Variants in PARL observed in about 807,000 individuals in gnomAD.
The protein encoded by PARL is presenilin-associated rhomboid-like protein, mitochondrial.
Under a neutral mutation model 51.6 loss-of-function variants are expected in PARL, and 44 were observed. That is an observed-to-expected ratio of 0.85 (90% confidence interval 0.67 to 1.10). The LOEUF (loss-of-function observed/expected upper bound fraction) is 1.10, where lower values mean the gene tolerates loss of function less well. Among genes scored for constraint, PARL ranks in the 50% least tolerant of loss-of-function variants. The probability of loss-of-function intolerance (pLI) is 0.00; values close to 1 mark genes in which losing one functional copy is unlikely to be tolerated. For synonymous variants in PARL, 172 were observed against 164.0 expected (o/e 1.05, Z -0.37); for missense variants, 441 against 469.5 (o/e 0.94, Z 0.56).
intron 3 of PARL, among the ~76,000 whole-genome samples, chr3:183,866,049 T>G (rs1732439239): frequency 6.6e-6 from 1 of 152,030 alleles, no homozygotes; most frequent in Non-Finnish European, 1.5e-5. Flanking sequence ...CTGGCTAATT[T>G]TTGTATTTTC....
At chr3:183,865,527 A>G (rs1358933996) in intron 3 of PARL, among the ~76,000 whole-genome samples, 2 of 152,164 alleles carry the variant, frequency 1.3e-5, no homozygotes, top group South Asian at 2.1e-4. Flanking sequence ...CAGTGGCTGC[A>G]TAAGATTCTC....
intron 1 of PARL, among the ~76,000 whole-genome samples, chr3:183,875,705 A>G (rs1472356915): frequency 6.6e-6 from 1 of 152,244 alleles, no homozygotes; most frequent in Non-Finnish European, 1.5e-5. Flanking sequence ...TAGAAACTGC[A>G]GCAACTTATC....
intron 7 of PARL, among the ~76,000 whole-genome samples, chr3:183,835,658 G>A (rs1224269477): frequency 6.6e-6 from 1 of 152,126 alleles, no homozygotes; most frequent in Admixed American, 6.5e-5. Flanking sequence ...CCTGAGGTCA[G>A]GAGTTCAAGA....
intron 9 of PARL, among the ~76,000 whole-genome samples, chr3:183,832,377 C>T (rs1728044468): frequency 6.6e-6 from 1 of 152,034 alleles, no homozygotes; most frequent in African/African-American, 2.4e-5. Context: ...CGCCACCACG[C>T]CCGGCTAAGT....
chr3:183,834,779 G>A (rs1473934297), intron 7 of PARL, among the ~76,000 whole-genome samples: 3 of 150,852 alleles, frequency 2.0e-5, no homozygotes, highest in Admixed American at 6.7e-5. Flanking sequence ...AGTGGCTCTC[G>A]CCTATAATCC....
intron 4 of PARL, among the ~76,000 whole-genome samples, chr3:183,853,003 T>C (rs1487584325): frequency 6.6e-6 from 1 of 152,152 alleles, no homozygotes; most frequent in African/African-American, 2.4e-5. Flanking sequence ...AAGACCTAAA[T>C]GTTAGACCCT....
intron 1 of PARL, among the ~76,000 whole-genome samples, chr3:183,869,406 C>A (rs1732908296): frequency 1.3e-5 from 2 of 152,118 alleles, no homozygotes; most frequent in African/African-American, 4.8e-5. Flanking sequence ...TGGGGTTTCA[C>A]CATGTTGGTC....
At chr3:183,866,914 CTT>C (rs59742348) in intron 2 of PARL, 149 bp from the exon 3 acceptor site, 2 of 582,144 alleles carry the variant, frequency 3.4e-6, no homozygotes, top group Admixed American at 3.0e-5. Context: ...GTGAAAAGGG[CTT>C]TTTTTTTTCT....
rs1446430741 is a variant in PARL at position 183,833,746 on chromosome 3, A to G, written c.908T>C (p.Met303Thr). 3 of 1,611,276 alleles carry G rather than the reference A, an allele frequency of 1.9e-6. No homozygotes were observed. The highest frequency in any genetic ancestry group is 1.1e-5 in the South Asian group (1 of 91,046). The change falls in exon 8 of 10, where the codon ATG becomes ACG. Residue 303 changes from methionine to threonine, a missense_variant. Met to Thr is a moderately conservative substitution (Grantham distance 81, BLOSUM62 -1). Transcript: ENST00000317096. ...TACATTCCCTGCTGTGAACGTGAACATCGGAAGGAAAATAATGGCAAGCCT... is the reference window on the plus strand; with the variant it reads ...TACATTCCCTGCTGTGAACGTGAACGTCGGAAGGAAAATAATGGCAAGCCT... ...EGRLAIIFLP[M>T]FTFTAGNALK...
intron 6 of PARL, among the ~76,000 whole-genome samples, chr3:183,840,914 A>T (rs892040484): frequency 6.6e-6 from 1 of 152,116 alleles, no homozygotes; most frequent in Non-Finnish European, 1.5e-5. Context: ...ACAGATAAAC[A>T]GTGTCGGGTT....
chr3:183,875,326 A>G (rs1462898291), intron 1 of PARL, among the ~76,000 whole-genome samples: 1 of 150,464 alleles, frequency 6.6e-6, no homozygotes, highest in Non-Finnish European at 1.5e-5. Context: ...GAGGCAGGAG[A>G]ATCGCTTGAA....
chr3:183,855,976 A>AC (rs992859383), intron 4 of PARL, among the ~76,000 whole-genome samples: 4 of 151,442 alleles, frequency 2.6e-5, no homozygotes, highest in African/African-American at 9.7e-5. Context: ...ACAAACAAAA[A>AC]AAAAAACAAA....
chr3:183,879,064 G>T lies in PARL; in HGVS notation c.125+5658C>A, dbSNP rs547317860. Reference sequence around the variant, plus strand: ...ACTTGTACTTAAATTAGAATGGTTTGTTGTCCCACAGATTAATCCTATCTA... The same window carrying T: ...ACTTGTACTTAAATTAGAATGGTTTTTTGTCCCACAGATTAATCCTATCTA... On this transcript the variant is annotated intron_variant, in intron 1 of 9. Transcript: ENST00000317096. 1.8e-3 allele frequency among the ~76,000 whole-genome samples: 271 copies of T among 152,298 alleles called. 2 individuals are homozygous for T. Among genetic ancestry groups the T allele is most frequent in the African/African-American group, 6.3e-3 (261 of 41,562 alleles).
intron 4 of PARL, among the ~76,000 whole-genome samples, chr3:183,853,977 G>T (rs1393960568): frequency 1.3e-5 from 2 of 152,186 alleles, no homozygotes; most frequent in Non-Finnish European, 2.9e-5. Flanking sequence ...GGTGGCTCAT[G>T]CCTGTAATCC....
chr3:183,836,786 C>T (rs1198258459), intron 7 of PARL, among the ~76,000 whole-genome samples: 1 of 152,160 alleles, frequency 6.6e-6, no homozygotes, highest in Admixed American at 6.5e-5. Context: ...CGCTATTGCC[C>T]AAACTGGAGT....
At chr3:183,851,499 A>C (rs1243562407) in intron 4 of PARL, among the ~76,000 whole-genome samples, 2 of 152,192 alleles carry the variant, frequency 1.3e-5, no homozygotes, top group Non-Finnish European at 2.9e-5. Context: ...GATTTGGAGA[A>C]ACAGGCATTT....
chr3:183,863,298 T>C (rs1732056105), intron 3 of PARL, among the ~76,000 whole-genome samples: 2 of 152,082 alleles, frequency 1.3e-5, no homozygotes, highest in African/African-American at 4.8e-5. Context: ...GGGATACATG[T>C]TGAAAATTTT....
chr3:183,877,867 T>C (rs1734024420), intron 1 of PARL, among the ~76,000 whole-genome samples: 1 of 152,004 alleles, frequency 6.6e-6, no homozygotes, highest in Non-Finnish European at 1.5e-5. Context: ...CTCGGCTCAC[T>C]GCAATCTCCA....
intron 4 of PARL, among the ~76,000 whole-genome samples, chr3:183,845,764 G>A (rs1409148859): frequency 2.0e-5 from 3 of 152,184 alleles, no homozygotes; most frequent in Admixed American, 6.5e-5. Context: ...TAGGAAGAGA[G>A]CAGTGATTCG....
Sources: allele counts gnomAD v4.1 joint callset (sites outside exome capture counted in the v4.1 genomes callset), GRCh38; gene constraint gnomAD v4.1.1; transcripts MANE v1.5; gene names NCBI Gene and HGNC (gene_info 2026-07-23, HGNC 2026-07-21).